SYNDIG1L: variants seen among roughly 807,000 people sequenced by gnomAD.
SYNDIG1L encodes synapse differentiation-inducing gene protein 1-like.
A neutral mutation model predicts 20.1 loss-of-function variants in SYNDIG1L; 13 were observed. The observed-to-expected ratio is 0.65, with a 90% CI of 0.42 to 1.03. The LOEUF is 1.03. Among genes scored for constraint, SYNDIG1L ranks in the 50% least tolerant of loss-of-function variants. The pLI is 0.00. For missense variants in SYNDIG1L, 294 were observed against 305.1 expected (o/e 0.96, Z 0.27); for synonymous variants, 128 against 129.3 (o/e 0.99, Z 0.07).
the SYNDIG1L span, among the ~76,000 whole-genome samples, chr14:74,470,173 C>T: frequency 2.0e-5 from 3 of 151,406 alleles, no homozygotes; most frequent in Non-Finnish European, 4.4e-5. Flanking sequence ...TCTACCTTCC[C>T]TTTTTAAAAA....
chr14:74,460,410 T>C, the SYNDIG1L span, among the ~76,000 whole-genome samples: 1 of 152,194 alleles, frequency 6.6e-6, no homozygotes, highest in South Asian at 2.1e-4. Flanking sequence ...TAGGCCCCCA[T>C]TCCACAGCCA....
At chr14:74,469,963 T>G in the SYNDIG1L span, among the ~76,000 whole-genome samples, 1 of 152,174 alleles carries the variant, frequency 6.6e-6, no homozygotes, top group Admixed American at 6.6e-5. Flanking sequence ...ATCTTAGGGC[T>G]GCCAGATTGC....
chr14:74,460,509 C>T, the SYNDIG1L span, among the ~76,000 whole-genome samples: 15,217 of 152,220 alleles, frequency 0.1, 1,254 homozygotes, highest in African/African-American at 0.22. Context: ...CCACGCACTT[C>T]GTGCTCTCCC....
the SYNDIG1L span, among the ~76,000 whole-genome samples, chr14:74,467,330 T>C: frequency 6.6e-6 from 1 of 152,020 alleles, no homozygotes; most frequent in African/African-American, 2.4e-5. Context: ...AGGGTCCTGG[T>C]TGGGGGTGGA....
chr14:74,452,523 C>G, the SYNDIG1L span, among the ~76,000 whole-genome samples: 2 of 152,258 alleles, frequency 1.3e-5, no homozygotes, highest in Non-Finnish European at 2.9e-5. Context: ...TCCTCCTTGC[C>G]TTCTGCCATG....
At chr14:74,436,805 A>G in the SYNDIG1L span, among the ~76,000 whole-genome samples, 9 of 145,936 alleles carry the variant, frequency 6.2e-5, no homozygotes, top group African/African-American at 2.3e-4. Flanking sequence ...AGCCAAGATC[A>G]TGCCATTGCA....
chr14:74,412,828 A>G (rs1006821494), intron 1 of SYNDIG1L, among the ~76,000 whole-genome samples: 1 of 152,060 alleles, frequency 6.6e-6, no homozygotes, highest in African/African-American at 2.4e-5. Flanking sequence ...ATGGCCCCCA[A>G]AGGTCCTCCA....
chr14:74,469,970 T>C, the SYNDIG1L span, among the ~76,000 whole-genome samples: 1 of 152,116 alleles, frequency 6.6e-6, no homozygotes, highest in East Asian at 1.9e-4. Flanking sequence ...GGCTGCCAGA[T>C]TGCAATTTCA....
the SYNDIG1L span, among the ~76,000 whole-genome samples, chr14:74,468,900 C>A: frequency 4.6e-5 from 7 of 152,184 alleles, no homozygotes; most frequent in African/African-American, 7.2e-5. Context: ...CTCCAGGAAC[C>A]CTTCCCCAAA....
chr14:74,471,101 G>A, the SYNDIG1L span, among the ~76,000 whole-genome samples: 21 of 152,122 alleles, frequency 1.4e-4, no homozygotes, highest in Admixed American at 5.9e-4. Context: ...TTAGGCAATC[G>A]CTGGAAGCTA....
chr14:74,460,615 C>T, the SYNDIG1L span, among the ~76,000 whole-genome samples: 2 of 152,144 alleles, frequency 1.3e-5, no homozygotes, highest in African/African-American at 4.8e-5. Context: ...CCTGTTTTCC[C>T]TTCCATCCTG....
the SYNDIG1L span, among the ~76,000 whole-genome samples, chr14:74,464,412 C>T: frequency 2.0e-5 from 3 of 152,060 alleles, no homozygotes; most frequent in African/African-American, 7.3e-5. Flanking sequence ...ACCGTGAGCT[C>T]TTTGGTGGCA....
At chr14:74,477,551 T>C in the SYNDIG1L span, among the ~76,000 whole-genome samples, 1 of 152,206 alleles carries the variant, frequency 6.6e-6, no homozygotes, top group Non-Finnish European at 1.5e-5. Context: ...CTGTTCCTTT[T>C]AAAAAAAGTC....
the SYNDIG1L span, among the ~76,000 whole-genome samples, chr14:74,438,388 G>A: frequency 6.6e-6 from 1 of 152,186 alleles, no homozygotes; most frequent in Non-Finnish European, 1.5e-5. Flanking sequence ...AAAAATTCCT[G>A]CGATTGATTA....
At chr14:74,479,750 G>A in the SYNDIG1L span, 1 of 193,164 alleles carries the variant, frequency 5.2e-6, no homozygotes, top group East Asian at 1.4e-4. Context: ...GTATAAGATT[G>A]TGTCAAATAA....
At chr14:74,434,926 A>AAT in the SYNDIG1L span, among the ~76,000 whole-genome samples, 14 of 149,178 alleles carry the variant, frequency 9.4e-5, no homozygotes, top group African/African-American at 3.5e-4. Flanking sequence ...CTAAAAAAAA[A>AAT]AAAAAAATTA....
chr14:74,475,975 T>G, the SYNDIG1L span, among the ~76,000 whole-genome samples: 427 of 152,322 alleles, frequency 2.8e-3, 1 homozygote, highest in African/African-American at 1.0e-2. Context: ...ACATTAACAG[T>G]GGTTAATGGA....
the SYNDIG1L span, among the ~76,000 whole-genome samples, chr14:74,453,688 C>T: frequency 6.6e-6 from 1 of 152,158 alleles, no homozygotes; most frequent in Non-Finnish European, 1.5e-5. Context: ...CACAGTGGCT[C>T]ACACCTGTAA....
upstream of SYNDIG1L, among the ~76,000 whole-genome samples, chr14:74,426,763 A>G (rs2086270257): frequency 9.6e-6 from 1 of 104,588 alleles, no homozygotes; most frequent in Admixed American, 1.5e-4. Context: ...TTTGCAGACC[A>G]GGACGCTGGG....
Sources: gnomAD v4.1 joint callset for allele counts (sites outside exome capture counted in the v4.1 genomes callset) on GRCh38, gnomAD v4.1.1 for gene constraint, MANE v1.5 for transcripts, NCBI Gene and HGNC (gene_info 2026-07-23, HGNC 2026-07-21) for gene names.